The following POU2F1 variants were observed in gnomAD, a reference collection of about 807,000 sequenced individuals.
POU2F1 encodes POU class 2 homeobox 1.
In POU2F1, 16 loss-of-function variants were observed where a neutral mutation model predicts 84.9. The ratio of observed to expected loss-of-function variants is 0.19; its 90% confidence interval spans 0.13 to 0.29. POU2F1 has a LOEUF of 0.29. Ranked by LOEUF, POU2F1 falls within the 10% of genes least tolerant of loss-of-function variation. The pLI, the probability that POU2F1 is intolerant of heterozygous loss-of-function variation, is 1.00. For missense variants in POU2F1, 738 were observed against 942.6 expected (o/e 0.78, Z 2.84); for synonymous variants, 368 against 368.3 (o/e 1.00, Z 0.01).
chr1:167,367,012 C>T (rs1033446337), intron 3 of POU2F1, among the ~76,000 whole-genome samples: 1 of 152,160 alleles, frequency 6.6e-6, no homozygotes, highest in Non-Finnish European at 1.5e-5. Context: ...GATTGCAACT[C>T]TCCCTGTACC....
At chr1:167,310,617 T>C (rs1655398315) in intron 1 of POU2F1, among the ~76,000 whole-genome samples, 1 of 152,122 alleles carries the variant, frequency 6.6e-6, no homozygotes, top group Non-Finnish European at 1.5e-5. Flanking sequence ...TCCATGTACG[T>C]AAAAATGTTT....
rs2101955919 is a variant in POU2F1, at chr1:167,416,444, C to T, written c.*634C>T. 1 of 165,732 alleles carries T rather than the reference C, an allele frequency of 6.0e-6. No individual in the cohort carries two copies. The highest frequency in any genetic ancestry group is 2.4e-5 in the African/African-American group (1 of 41,560). The allele number at this position is 165,732 out of a possible 1,614,324, so 10.3% of individuals were successfully genotyped here. On this transcript the variant is annotated 3_prime_UTR_variant, in exon 16 of 16. Transcript: ENST00000367866. ...TTGGACATGTTTATTATCTCTTGCT[C>T]CTGGATCCTATTTCAGTGAGCTCCC...
At chr1:167,251,679 T>C (rs537999288) in intron 1 of POU2F1, among the ~76,000 whole-genome samples, 167 of 152,308 alleles carry the variant, frequency 1.1e-3, no homozygotes, top group African/African-American at 3.9e-3. Context: ...GACAGGCTGA[T>C]CTTGTTTGTG....
intron 2 of POU2F1, among the ~76,000 whole-genome samples, chr1:167,335,416 TG>T (rs1378403074): frequency 6.6e-6 from 1 of 151,620 alleles, no homozygotes; most frequent in Non-Finnish European, 1.5e-5. Context: ...AGCAAGAGAG[TG>T]GAGAAAGAAA....
At chr1:167,241,034 C>G (rs558952816) in intron 1 of POU2F1, among the ~76,000 whole-genome samples, 2 of 151,986 alleles carry the variant, frequency 1.3e-5, no homozygotes, top group Admixed American at 1.3e-4. Flanking sequence ...CCCAGCTACT[C>G]GGGAGGCTGA....
intron 1 of POU2F1, among the ~76,000 whole-genome samples, chr1:167,332,040 T>C (rs2101728419): frequency 6.6e-6 from 1 of 152,232 alleles, no homozygotes; most frequent in African/African-American, 2.4e-5. Context: ...GTGGGTTGTT[T>C]TGGTTATAAT....
rs1260311895 is a variant in POU2F1 at position 167,250,387 on chromosome 1, ATATAGT to A, written c.61+29434_61+29439del. 3.9e-5 allele frequency among the ~76,000 whole-genome samples: 6 copies of A among 152,332 alleles called. No individual in the cohort carries two copies. The East Asian group carries it at 1.2e-3, about 29-fold the overall frequency. ...TTACTTTGCTTTTTGTTTTAATTTT[ATATAGT>A]TATAATGTTACAAATATTTCTCAAT... On this transcript the variant is annotated intron_variant, in intron 1 of 15. Coordinates refer to ENST00000367866, the MANE Select transcript of POU2F1 (RefSeq NM_002697.4).
intron 1 of POU2F1, among the ~76,000 whole-genome samples, chr1:167,223,320 G>A (rs1384578906): frequency 6.6e-6 from 1 of 152,140 alleles, no homozygotes; most frequent in African/African-American, 2.4e-5. Context: ...TCTAGACTTA[G>A]GACAGTTGGC....
At chr1:167,313,689 G>GT (rs1345688019) in intron 1 of POU2F1, among the ~76,000 whole-genome samples, 1 of 152,182 alleles carries the variant, frequency 6.6e-6, no homozygotes, top group Non-Finnish European at 1.5e-5. Context: ...TTGATGAACA[G>GT]TTTTTAAACG....
At chr1:167,407,250 G>A (rs768445798) in intron 13 of POU2F1, among the ~76,000 whole-genome samples, 7 of 151,850 alleles carry the variant, frequency 4.6e-5, no homozygotes, top group Non-Finnish European at 5.9e-5. Flanking sequence ...GGCTGGTCTC[G>A]AACTCCTGGG....
chr1:167,393,270 G>T (rs1486604482), intron 9 of POU2F1, among the ~76,000 whole-genome samples: 1 of 152,138 alleles, frequency 6.6e-6, no homozygotes, highest in Non-Finnish European at 1.5e-5. Context: ...AACCAAGCCT[G>T]TACCGAATTA....
intron 7 of POU2F1, 56 bp from the exon 8 acceptor site, chr1:167,383,801 G>T (rs1421728664): frequency 2.1e-6 from 3 of 1,448,584 alleles, no homozygotes; most frequent in Non-Finnish European, 1.9e-6. Context: ...TCTTTCTTTT[G>T]CCATGTGTTC....
chr1:167,248,939 A>T (rs1650529560), intron 1 of POU2F1, among the ~76,000 whole-genome samples: 1 of 152,238 alleles, frequency 6.6e-6, no homozygotes, highest in Non-Finnish European at 1.5e-5. Context: ...GTCTAGGATC[A>T]CATGATGAGA....
At chr1:167,253,800 C>G (rs1252505257) in intron 1 of POU2F1, among the ~76,000 whole-genome samples, 1 of 152,016 alleles carries the variant, frequency 6.6e-6, no homozygotes, top group Admixed American at 6.6e-5. Flanking sequence ...TAATTTGGTG[C>G]CAGGTTTGCC....
At chr1:167,365,309 C>CAGTT (rs1179576931) in intron 2 of POU2F1, among the ~76,000 whole-genome samples, 158 bp from the exon 3 acceptor site, 1 of 152,176 alleles carries the variant, frequency 6.6e-6, no homozygotes, top group Non-Finnish European at 1.5e-5. Flanking sequence ...GAAGATAAAC[C>CAGTT]AGTTTACTGT....
At chr1:167,246,243 A>G (rs1650310533) in intron 1 of POU2F1, among the ~76,000 whole-genome samples, 1 of 152,174 alleles carries the variant, frequency 6.6e-6, no homozygotes, top group Non-Finnish European at 1.5e-5. Flanking sequence ...TAAATACCTG[A>G]AAAAAGTTTT....
intron 1 of POU2F1, among the ~76,000 whole-genome samples, chr1:167,222,409 A>G (rs1648298773): frequency 6.6e-6 from 1 of 152,156 alleles, no homozygotes. Flanking sequence ...CAGACCTTTA[A>G]TAACAGCCAC....
At chr1:167,232,963 A>G (rs574755450) in intron 1 of POU2F1, among the ~76,000 whole-genome samples, 2 of 152,148 alleles carry the variant, frequency 1.3e-5, no homozygotes, top group East Asian at 1.9e-4. Flanking sequence ...AGTAGTGTAC[A>G]GTAATGCTGT....
intron 1 of POU2F1, among the ~76,000 whole-genome samples, chr1:167,226,184 A>G (rs1648620367): frequency 6.6e-6 from 1 of 152,188 alleles, no homozygotes; most frequent in Admixed American, 6.5e-5. Context: ...TGGGCGTTAG[A>G]GTTGAAAGTT....
Sources: gnomAD v4.1 joint callset for allele counts (sites outside exome capture counted in the v4.1 genomes callset) on GRCh38, gnomAD v4.1.1 for gene constraint, MANE v1.5 for transcripts, NCBI Gene and HGNC (gene_info 2026-07-23, HGNC 2026-07-21) for gene names.